RANBP2: variants seen among roughly 807,000 people sequenced by gnomAD.
RANBP2 encodes the protein RAN binding protein 2.
In RANBP2, 57 loss-of-function variants were observed where a neutral mutation model predicts 303.6. That is an observed-to-expected ratio of 0.19 (90% CI 0.15 to 0.23). The LOEUF (loss-of-function observed/expected upper bound fraction) is 0.23. Ranked by LOEUF, RANBP2 falls within the 10% of genes least tolerant of loss-of-function variation. The pLI is 1.00. For missense variants in RANBP2, 3,138 were observed against 3,780.8 expected (o/e 0.83, Z 4.46); for synonymous variants, 1,167 against 1,301.5 (o/e 0.90, Z 2.23).
chr2:109,219,493 T>G, the RANBP2 span, among the ~76,000 whole-genome samples: 1 of 151,486 alleles, frequency 6.6e-6, no homozygotes, highest in Non-Finnish European at 1.5e-5. Context: ...GCTTCCAAAT[T>G]GGAAAAAAAA....
the RANBP2 span, among the ~76,000 whole-genome samples, chr2:109,705,140 C>T: frequency 2.6e-5 from 4 of 151,384 alleles, no homozygotes; most frequent in Admixed American, 6.6e-5. Flanking sequence ...TGCAGTGGCT[C>T]ATGCCTGTAA....
chr2:108,753,873 G>A lies in RANBP2; in HGVS notation c.2104G>A (p.Glu702Lys), dbSNP rs762960381. 9.3e-6 allele frequency: 15 copies of A among 1,611,978 alleles called. No individual in the cohort carries two copies. Among genetic ancestry groups the A allele is most frequent in the Non-Finnish European group, 1.1e-5 (13 of 1,179,866 alleles). ...EDIENDALSPEEQEECKNYLR... is the reference protein window; with the variant it reads ...EDIENDALSPKEQEECKNYLR... ...CATTGAAAATGATGCCCTTTCTCCT[G>A]AAGAACAAGAAGAATGCAAAAATTA... The change falls in exon 15 of 29, where the codon GAA becomes AAA. Residue 702 changes from glutamate (E) to lysine (K), a missense_variant. Glu to Lys is a moderately conservative substitution (Grantham distance 56). Around this residue, in one of 20 missense-constraint regions of RANBP2, gnomAD observed 194 missense variants for 197.4 expected, o/e 0.98. Transcript: ENST00000283195.
chr2:109,052,368 C>T, the RANBP2 span, among the ~76,000 whole-genome samples: 1 of 152,098 alleles, frequency 6.6e-6, no homozygotes, highest in African/African-American at 2.4e-5. Flanking sequence ...CAACATTATG[C>T]CTATATATTA....
At chr2:109,325,185 G>A in the RANBP2 span, among the ~76,000 whole-genome samples, 4 of 152,206 alleles carry the variant, frequency 2.6e-5, no homozygotes, top group East Asian at 7.7e-4. Flanking sequence ...AATTTTCTGT[G>A]AAGATCAGTG....
chr2:108,742,422 G>T (rs1331095657), intron 7 of RANBP2, among the ~76,000 whole-genome samples: 1 of 152,126 alleles, frequency 6.6e-6, no homozygotes, highest in East Asian at 1.9e-4. Flanking sequence ...TCCTGCTTCA[G>T]CCTGTCACGT....
At chr2:108,798,484 T>G in the RANBP2 span, 2 of 1,614,012 alleles carry the variant, frequency 1.2e-6, no homozygotes, top group South Asian at 2.2e-5. Context: ...GAGAACGTTT[T>G]TTACTTGAAA....
At position 108,763,668 on chromosome 2, in the gene RANBP2, C is replaced by A; in HGVS notation, c.3129C>A (p.Asp1043Glu). 1 of 1,614,096 alleles carries A rather than the reference C, an allele frequency of 6.2e-7. No individual in the cohort carries two copies. Among genetic ancestry groups the A allele is most frequent in the Non-Finnish European group, 8.5e-7 (1 of 1,179,996 alleles). The change falls in exon 20 of 29, where the codon GAC becomes GAA. Residue 1043 changes from aspartate to glutamate, a missense_variant. Asp to Glu is a conservative substitution (Grantham distance 45). Coordinates refer to ENST00000283195, the MANE Select transcript of RANBP2 (RefSeq NM_006267.5). ...FNSNFKSNDGDFTFSSPQVVT... is the reference protein window; with the variant it reads ...FNSNFKSNDGEFTFSSPQVVT... ...CAAATTTCAAATCAAATGATGGTGA[C>A]TTCACGTTTTCCTCACCACAGGTTG...
the RANBP2 span, among the ~76,000 whole-genome samples, chr2:108,958,830 G>A: frequency 5.3e-5 from 8 of 152,232 alleles, no homozygotes; most frequent in Non-Finnish European, 7.3e-5. Flanking sequence ...GGAAGTGTCA[G>A]CCAGAGATAG....
chr2:109,625,681 A>C, the RANBP2 span, among the ~76,000 whole-genome samples: 4 of 152,168 alleles, frequency 2.6e-5, no homozygotes, highest in Admixed American at 6.5e-5. Flanking sequence ...AAATAAAATA[A>C]AAATACAAAT....
intron 1 of RANBP2, among the ~76,000 whole-genome samples, chr2:108,726,386 T>C (rs1386127830): frequency 6.6e-6 from 1 of 151,650 alleles, no homozygotes; most frequent in East Asian, 1.9e-4. Context: ...AGTTCACATA[T>C]GCAGAGAGAA....
At chr2:109,422,278 G>T in the RANBP2 span, among the ~76,000 whole-genome samples, 2 of 152,236 alleles carry the variant, frequency 1.3e-5, no homozygotes, top group Admixed American at 1.3e-4. Context: ...AGATGGGGCT[G>T]ATGTGAAAGT....
the RANBP2 span, among the ~76,000 whole-genome samples, chr2:109,627,014 C>T: frequency 2.6e-5 from 4 of 152,052 alleles, no homozygotes; most frequent in South Asian, 2.1e-4. Flanking sequence ...AACAAACAAA[C>T]GAACAGGGCT....
the RANBP2 span, among the ~76,000 whole-genome samples, chr2:108,807,312 A>C: frequency 6.6e-6 from 1 of 152,222 alleles, no homozygotes; most frequent in Non-Finnish European, 1.5e-5. Flanking sequence ...AAAGGAATTA[A>C]ATTGAAATTT....
the RANBP2 span, among the ~76,000 whole-genome samples, chr2:109,682,293 T>A: frequency 5.3e-5 from 8 of 152,204 alleles, no homozygotes; most frequent in Non-Finnish European, 1.0e-4. Context: ...ACACAATGAA[T>A]GTTTTAGTAT....
the RANBP2 span, among the ~76,000 whole-genome samples, chr2:109,700,222 A>G: frequency 6.6e-6 from 1 of 152,218 alleles, no homozygotes; most frequent in African/African-American, 2.4e-5. Context: ...AACATTAATG[A>G]TCATACTTGT....
the RANBP2 span, among the ~76,000 whole-genome samples, chr2:108,923,152 G>C: frequency 6.6e-6 from 1 of 152,180 alleles, no homozygotes; most frequent in Non-Finnish European, 1.5e-5. Context: ...TGGCCAACCT[G>C]CACTAGAACC....
At chr2:108,878,651 A>G in the RANBP2 span, among the ~76,000 whole-genome samples, 12 of 152,172 alleles carry the variant, frequency 7.9e-5, no homozygotes, top group African/African-American at 2.9e-4. Context: ...GAGACCTTTT[A>G]TTTGAAAAAA....
At chr2:109,049,358 C>T in the RANBP2 span, among the ~76,000 whole-genome samples, 3 of 152,202 alleles carry the variant, frequency 2.0e-5, no homozygotes, top group Non-Finnish European at 2.9e-5. Context: ...GCTAAACATG[C>T]CCCTGGGAGG....
At chr2:108,981,001 A>T in the RANBP2 span, among the ~76,000 whole-genome samples, 1 of 152,132 alleles carries the variant, frequency 6.6e-6, no homozygotes, top group Non-Finnish European at 1.5e-5. Context: ...TGCCAGGCAG[A>T]GGTTGAGCTG....
Sources: allele counts gnomAD v4.1 joint callset (sites outside exome capture counted in the v4.1 genomes callset), GRCh38; gene constraint gnomAD v4.1.1; regional missense constraint gnomAD v4.1.1; transcripts MANE v1.5; gene names NCBI Gene and HGNC (gene_info 2026-07-23, HGNC 2026-07-21).